Variants in NCLN observed in about 807,000 individuals in gnomAD.
NCLN encodes nicalin.
NCLN carries 34 observed loss-of-function variants against 69.5 expected under a neutral mutation model. That is an observed-to-expected ratio of 0.49 (90% confidence interval 0.37 to 0.65). The LOEUF (loss-of-function observed/expected upper bound fraction) is 0.65. Ranked by LOEUF, NCLN falls within the 30% of genes least tolerant of loss-of-function variation. The pLI is 0.00. For missense variants in NCLN, 710 were observed against 804.8 expected (o/e 0.88, Z 1.42); for synonymous variants, 393 against 358.3 (o/e 1.10, Z -1.09).
At chr19:3,204,259 C>G in intron 8 of NCLN, 115 bp downstream of exon 8, 1 of 1,267,356 alleles carries the variant, frequency 7.9e-7, no homozygotes, top group Non-Finnish European at 1.0e-6. Context: ...GCTCTGAGGG[C>G]CACACTGTGT....
At chr19:3,193,841 G>A (rs1057458438) in intron 3 of NCLN, among the ~76,000 whole-genome samples, 3 of 152,280 alleles carry the variant, frequency 2.0e-5, no homozygotes, top group Non-Finnish European at 4.4e-5. Flanking sequence ...CGGAGAAGGG[G>A]CACACGCCTT....
chr19:3,192,428 G>A, intron 1 of NCLN, 42 bp from the exon 2 acceptor site: 1 of 1,515,020 alleles, frequency 6.6e-7, no homozygotes, highest in Non-Finnish European at 8.8e-7. Context: ...CCGTCGGCCT[G>A]GCCACCCGCC....
Position 3,205,159 on chromosome 19 carries a change from C to T in NCLN, c.1208+408C>T, listed in dbSNP as rs889010684. On this transcript the variant is annotated intron_variant, in intron 9 of 14. Transcript: ENST00000246117. The surrounding 1 kb of genome is among the most constrained non-coding windows in gnomAD (Gnocchi z 4.6). ...CCCCGCCTCCCTCTGGGCACTGTGT[C>T]TCTGGCTTCTTATGTCCTCTGACCC... Among the ~76,000 whole-genome samples, 1 of 152,214 alleles carries T rather than the reference C, an allele frequency of 6.6e-6. No homozygotes were observed. The highest frequency in any genetic ancestry group is 6.5e-5 in the Admixed American group (1 of 15,282).
intron 5 of NCLN, among the ~76,000 whole-genome samples, chr19:3,199,679 C>T (rs1393915895): frequency 6.8e-6 from 1 of 147,964 alleles, no homozygotes; most frequent in Non-Finnish European, 1.5e-5. Context: ...AACCAGCACC[C>T]TGCCTCCTCC....
At chr19:3,202,004 CCACT>C (rs978022613) in intron 6 of NCLN, among the ~76,000 whole-genome samples, 6 of 152,142 alleles carry the variant, frequency 3.9e-5, no homozygotes, top group African/African-American at 7.2e-5. Flanking sequence ...CATCCCTGCC[CCACT>C]CACTCCATGC....
intron 5 of NCLN, among the ~76,000 whole-genome samples, chr19:3,200,499 A>T (rs1216689363): frequency 2.7e-5 from 4 of 150,696 alleles, no homozygotes; most frequent in Admixed American, 1.3e-4. Flanking sequence ...TTTAGTAGAG[A>T]TAGGGTTTCA....
Position 3,207,855 on chromosome 19 carries a change from C to A in NCLN, c.*167C>A, listed in dbSNP as rs991541737. 8.3e-6 allele frequency: 5 copies of A among 605,104 alleles called. No homozygotes were observed. The Admixed American group carries it at 8.9e-5, about 11-fold the overall frequency. 37.5% of individuals were successfully genotyped at this position (605,104 alleles called of 1,614,324 possible). A position where few individuals can be genotyped will look rare whatever the true frequency, so the allele number is the denominator to read the frequency against. On this transcript the variant is annotated 3_prime_UTR_variant, in exon 15 of 15. Transcript: ENST00000246117. Reference sequence around the variant, plus strand: ...TACAGAGCTTTTTTCTGTTGCTCTCCGAGACTGGGGGGGGATTGTTTCTTC... The same window carrying A: ...TACAGAGCTTTTTTCTGTTGCTCTCAGAGACTGGGGGGGGATTGTTTCTTC...
At chr19:3,206,096 G>C (rs1300501181) in intron 10 of NCLN, 56 bp from the exon 11 acceptor site, 1 of 1,538,372 alleles carries the variant, frequency 6.5e-7, no homozygotes, top group Admixed American at 2.0e-5. Context: ...CCCACCCCTG[G>C]CCCCAGCCCC....
chr19:3,203,020 C>T (rs907696830), intron 6 of NCLN, among the ~76,000 whole-genome samples: 4 of 152,112 alleles, frequency 2.6e-5, no homozygotes, highest in African/African-American at 9.7e-5. Flanking sequence ...AGGCTGTGTT[C>T]CATTAGAATT....
At chr19:3,186,255 C>T in intron 1 of NCLN, 41 bp downstream of exon 1, 1 of 1,420,234 alleles carries the variant, frequency 7.0e-7, no homozygotes. Context: ...CCCGGGCTCC[C>T]CGGCCACGCC....
Position 3,204,716 on chromosome 19 carries a change from C to A in NCLN, c.1173C>A (p.His391Gln), listed in dbSNP as rs1345875532. ...TCACGCTGTCCCACCTGGAGAGCCACCGTGACGGCCAGCGCAGCAGCATCA... is the reference window on the plus strand; with the variant it reads ...TCACGCTGTCCCACCTGGAGAGCCAACGTGACGGCCAGCGCAGCAGCATCA... ...PAFTLSHLES[H>Q]RDGQRSSIMD... Residue 391 changes from histidine (H) to glutamine (Q), a missense_variant, in exon 9 of 15, where the codon CAC becomes CAA. Transcript: ENST00000246117. 1 of 1,582,768 alleles carries A rather than the reference C, an allele frequency of 6.3e-7. No homozygotes were observed. Among genetic ancestry groups the A allele is most frequent in the Non-Finnish European group, 8.6e-7 (1 of 1,163,556 alleles).
At chr19:3,190,376 C>G (rs1203139929) in intron 1 of NCLN, among the ~76,000 whole-genome samples, 3 of 152,168 alleles carry the variant, frequency 2.0e-5, no homozygotes, top group Non-Finnish European at 4.4e-5. Flanking sequence ...TTGTGCTGCA[C>G]CCGAGACCCC....
intron 1 of NCLN, among the ~76,000 whole-genome samples, chr19:3,191,032 C>CG (rs1568309756): frequency 6.9e-6 from 1 of 145,146 alleles, no homozygotes; most frequent in South Asian, 2.2e-4. Context: ...GGGAGATCGT[C>CG]GTGGTGCGTG....
intron 1 of NCLN, among the ~76,000 whole-genome samples, chr19:3,190,942 G>T (rs1000425076): frequency 6.6e-6 from 1 of 152,164 alleles, no homozygotes; most frequent in Admixed American, 6.5e-5. Flanking sequence ...GAACGTGGGT[G>T]GCCCTTTTAG....
Position 3,204,740 on chromosome 19 carries a change from C to T in NCLN, c.1197C>T (p.Ile399=), listed in dbSNP as rs757441271. 46 of 1,546,174 alleles carry T rather than the reference C, an allele frequency of 3.0e-5. No homozygotes were observed. Among genetic ancestry groups the T allele is most frequent in the Non-Finnish European group, 3.7e-5 (42 of 1,145,524 alleles). ...ESHRDGQRSS[I]MDVRSRVDSK... ...ACCGTGACGGCCAGCGCAGCAGCAT[C>T]ATGGACGTGCGGTGAGCGCGGCAGC... is the stretch of plus-strand genomic sequence containing the variant. The change falls in exon 9 of 15, where the codon ATC becomes ATT. Residue 399 remains isoleucine, a synonymous_variant. Transcript: ENST00000246117.
chr19:3,190,743 C>T (rs557802028), intron 1 of NCLN, among the ~76,000 whole-genome samples: 2 of 148,684 alleles, frequency 1.3e-5, no homozygotes, highest in Non-Finnish European at 2.9e-5. Flanking sequence ...CCCCCGGCCC[C>T]CCTGCGTCAG....
At chr19:3,202,536 G>A (rs1428593116) in intron 6 of NCLN, among the ~76,000 whole-genome samples, 1 of 152,212 alleles carries the variant, frequency 6.6e-6, no homozygotes, top group Non-Finnish European at 1.5e-5. Context: ...TCCCGAGATG[G>A]TACTGCTGCA....
In NCLN at chr19:3,192,313, G is replaced by C. The variant is rs560720027; in HGVS notation, c.185-157G>C. On this transcript the variant is annotated intron_variant, in intron 1 of 14. Transcript: ENST00000246117. The stretch of plus-strand genomic sequence containing the variant: ...CTGTGACCCGTTATGTCGGGGGCAG[G>C]CTGGGGGGACCCTGGGAGCTTCTCG... Among the ~76,000 whole-genome samples, 11 of 152,288 alleles carry C rather than the reference G, an allele frequency of 7.2e-5. No individual in the cohort carries two copies. In the South Asian group the frequency reaches 2.3e-3, roughly 32 times the overall value.
intron 5 of NCLN, among the ~76,000 whole-genome samples, chr19:3,199,726 A>AGG (rs71681532): frequency 3.7e-5 from 1 of 27,376 alleles, no homozygotes; most frequent in African/African-American, 3.2e-4. Flanking sequence ...TAATTGAGAC[A>AGG]GTCTTGCTCT....
Sources: gnomAD v4.1 joint callset for allele counts (sites outside exome capture counted in the v4.1 genomes callset) on GRCh38, gnomAD v4.1.1 for gene constraint, Gnocchi (gnomAD v3.1) non-coding constraint, MANE v1.5 for transcripts, NCBI Gene and HGNC (gene_info 2026-07-23, HGNC 2026-07-21) for gene names.